The following SLC24A1 variants were observed in gnomAD, a reference collection of about 807,000 sequenced individuals.
The protein encoded by SLC24A1 is sodium/potassium/calcium exchanger 1.
In SLC24A1, 52 loss-of-function variants were observed where a neutral mutation model predicts 88.1. The observed-to-expected ratio is 0.59, with a 90% CI of 0.47 to 0.74. The LOEUF (loss-of-function observed/expected upper bound fraction) is 0.74, where lower values mean the gene tolerates loss of function less well. Among genes scored for constraint, SLC24A1 ranks in the 30% least tolerant of loss-of-function variants. The pLI is 0.00. For missense variants in SLC24A1, 1,173 were observed against 1,363.3 expected, an observed-to-expected ratio of 0.86 and a Z score of 2.20; for synonymous variants, 455 against 498.0, an observed-to-expected ratio of 0.91 and a Z score of 1.15.
chr15:65,648,544 C>T (rs1047760600), intron 6 of SLC24A1, among the ~76,000 whole-genome samples: 1 of 151,386 alleles, frequency 6.6e-6, no homozygotes, highest in Non-Finnish European at 1.5e-5. Context: ...TGCAGTGACA[C>T]GATCTCAGCT....
Position 65,625,523 on chromosome 15 carries a change from G to T in SLC24A1, c.1443G>T (p.Leu481=). The T allele has an allele frequency of 3.7e-6, 6 of 1,614,048 alleles. No individual in the cohort carries two copies. The highest frequency in any genetic ancestry group is 5.1e-6 in the Non-Finnish European group (6 of 1,179,906). Residue 481 remains leucine, a synonymous_variant, in exon 2 of 10, where the codon CTG becomes CTT. Coordinates refer to ENST00000261892, the MANE Select transcript of SLC24A1 (RefSeq NM_004727.3). ...GCGACGAGTACTTCGTTCCAGCCCT[G>T]GGTGTCATCACAGACAAGCTGCAGA... ...IVCDEYFVPA[L]GVITDKLQIS... is the part of the protein sequence containing the mutation.
At chr15:65,658,772 T>C (rs925943071), downstream of SLC24A1, among the ~76,000 whole-genome samples, 40 of 152,364 alleles carry the variant, frequency 2.6e-4, 1 homozygote, top group African/African-American at 9.6e-4. Context: ...AGCTAGCTAA[T>C]ACTTGCTGGT....
chr15:65,628,338 A>G (rs2074588830), intron 2 of SLC24A1, among the ~76,000 whole-genome samples: 1 of 152,164 alleles, frequency 6.6e-6, no homozygotes, highest in African/African-American at 2.4e-5. Context: ...TGGTCACATC[A>G]GGCTTATCAC....
In SLC24A1 at chr15:65,624,165, C is replaced by G. The variant is rs770203499; in HGVS notation, c.85C>G (p.Leu29Val). 10 of 1,613,824 alleles carry G rather than the reference C, an allele frequency of 6.2e-6. No homozygotes were observed. Among genetic ancestry groups the G allele is most frequent in the Non-Finnish European group, 8.5e-6 (10 of 1,179,834 alleles). Residue 29 changes from leucine to valine, a missense_variant, in exon 2 of 10, where the codon CTG becomes GTG. Leu to Val is a conservative substitution (Grantham distance 32). Coordinates refer to ENST00000261892, the MANE Select transcript of SLC24A1 (RefSeq NM_004727.3). ...RLHWSRLLFLLGMLIIGSTYQ... is the reference protein window; with the variant it reads ...RLHWSRLLFLVGMLIIGSTYQ... Reference sequence around the variant, plus strand: ...TCATTGGAGTCGCCTCCTCTTCTTACTGGGAATGTTGATCATCGGTTCTAC... The same window carrying G: ...TCATTGGAGTCGCCTCCTCTTCTTAGTGGGAATGTTGATCATCGGTTCTAC...
chr15:65,632,835 T>C (rs573177694), intron 2 of SLC24A1, among the ~76,000 whole-genome samples: 78 of 152,268 alleles, frequency 5.1e-4, no homozygotes, highest in African/African-American at 1.9e-3. Context: ...TGCCACAAAA[T>C]TAGGTGCAAG....
At position 65,624,871 on chromosome 15, in the gene SLC24A1, T is replaced by G. The variant is rs1023531965; in HGVS notation, c.791T>G (p.Val264Gly). ...ACCCCAACTTTTCTGACACATGAGG[T>G]AGAAGCAAACGTCTTGACTTCTCCA... is the stretch of plus-strand genomic sequence containing the variant. ...DSTPTFLTHE[V>G]EANVLTSPRS... Residue 264 changes from valine (V) to glycine (G), a missense_variant, in exon 2 of 10, where the codon GTA (valine) becomes GGA (glycine). By Grantham distance (109) the Val-to-Gly change is moderately radical. Coordinates refer to ENST00000261892, the MANE Select transcript of SLC24A1 (RefSeq NM_004727.3). 6.2e-7 allele frequency: 1 copy of G among 1,613,874 alleles called. No individual in the cohort carries two copies. The highest frequency in any genetic ancestry group is 8.5e-7 in the Non-Finnish European group (1 of 1,179,904).
chr15:65,617,612 T>C (rs2074189844), upstream of SLC24A1, among the ~76,000 whole-genome samples: 1 of 152,202 alleles, frequency 6.6e-6, no homozygotes, highest in East Asian at 1.9e-4. Flanking sequence ...CTTATCAGCT[T>C]AAGGAGATTT....
chr15:65,649,728 C>T (rs567157122), intron 6 of SLC24A1, among the ~76,000 whole-genome samples: 14 of 152,336 alleles, frequency 9.2e-5, no homozygotes, highest in African/African-American at 3.1e-4. Flanking sequence ...TAGGCATTAT[C>T]ATCCTTATTT....
At chr15:65,638,012 G>A in intron 2 of SLC24A1, 116 bp from the exon 3 acceptor site, 1 of 740,906 alleles carries the variant, frequency 1.3e-6, no homozygotes, top group East Asian at 2.7e-5. Context: ...TCTGAGACCA[G>A]GTTATCTCGG....
rs775190121 is a variant in SLC24A1, at chr15:65,645,523, G to A, written c.2141-89G>A. 87 of 949,894 alleles carry A rather than the reference G, an allele frequency of 9.2e-5. 1 individual carries two copies. In the African/African-American group the frequency reaches 1.1e-3, roughly 12 times the overall value. The allele number at this position is 949,894 out of a possible 1,614,324, so 58.8% of individuals were successfully genotyped here. On this transcript the variant is annotated intron_variant, in intron 5 of 9. Coordinates refer to ENST00000261892, the MANE Select transcript of SLC24A1 (RefSeq NM_004727.3). ...CCTTCAGAAACCCTGAAGTCCAATA[G>A]CCCTGTAGCCACTTATGCCAGTGTC...
intron 2 of SLC24A1, among the ~76,000 whole-genome samples, chr15:65,632,871 G>A (rs1471705569): frequency 6.6e-6 from 1 of 152,200 alleles, no homozygotes; most frequent in Non-Finnish European, 1.5e-5. Context: ...GTGTAGGAGA[G>A]TGACAAGCCC....
chr15:65,638,467 T>A (rs1274537825), intron 3 of SLC24A1, among the ~76,000 whole-genome samples: 1 of 152,224 alleles, frequency 6.6e-6, no homozygotes, highest in Non-Finnish European at 1.5e-5. Context: ...AGATTCTGCA[T>A]CTGTAAAATG....
chr15:65,657,695 A>G (rs1301328715), downstream of SLC24A1, among the ~76,000 whole-genome samples: 7 of 152,252 alleles, frequency 4.6e-5, no homozygotes, highest in African/African-American at 1.2e-4. Flanking sequence ...TTATGTGCCA[A>G]TGAATACTCT....
intron 8 of SLC24A1, chr15:65,652,042 A>G (rs1436402776): frequency 2.9e-5 from 12 of 420,196 alleles, no homozygotes; most frequent in South Asian, 2.0e-4. Flanking sequence ...TTTCTCTGCC[A>G]TGTACCCATC....
At chr15:65,649,652 G>A (rs894952095) in intron 6 of SLC24A1, among the ~76,000 whole-genome samples, 6 of 152,006 alleles carry the variant, frequency 3.9e-5, no homozygotes, top group South Asian at 2.1e-4. Context: ...ATAAAACACC[G>A]TAAGTGCTAG....
intron 6 of SLC24A1, among the ~76,000 whole-genome samples, chr15:65,647,117 T>C (rs995244962): frequency 3.3e-5 from 5 of 152,286 alleles, no homozygotes; most frequent in Admixed American, 2.0e-4. Flanking sequence ...AGCACACATA[T>C]AACCCCAAGC....
rs2074411633 is a variant in SLC24A1 at position 65,624,085 on chromosome 15, G to A, written c.5G>A (p.Gly2Glu). Reference sequence around the variant, plus strand: ...AACCAGATATAACTGGCCAGCATGGGGAAATTGATCAGGATGGGGCCGCAA... The same window carrying A: ...AACCAGATATAACTGGCCAGCATGGAGAAATTGATCAGGATGGGGCCGCAA... M[G>E]KLIRMGPQER... The change falls in exon 2 of 10, where the codon GGG becomes GAG. Residue 2 changes from glycine to glutamate, a missense_variant. Transcript: ENST00000261892. 2 of 1,580,868 alleles carry A rather than the reference G, an allele frequency of 1.3e-6. No individual in the cohort carries two copies. The highest frequency in any genetic ancestry group is 1.7e-6 in the Non-Finnish European group (2 of 1,165,808).
chr15:65,653,709 C>A (rs748863643), intron 9 of SLC24A1, 121 bp from the exon 10 acceptor site: 37 of 986,560 alleles, frequency 3.8e-5, no homozygotes, highest in Non-Finnish European at 4.7e-5. Context: ...CTAATAATTT[C>A]TGTTCACTTC....
chr15:65,620,438 GTCATTA>G (rs1308769421), upstream of SLC24A1, among the ~76,000 whole-genome samples: 2 of 152,130 alleles, frequency 1.3e-5, no homozygotes, highest in African/African-American at 4.8e-5. Context: ...AACAGGTAAT[GTCATTA>G]TCATCCTCAT....
Sources: gnomAD v4.1 joint callset for allele counts (sites outside exome capture counted in the v4.1 genomes callset) on GRCh38, gnomAD v4.1.1 for gene constraint, MANE v1.5 for transcripts, NCBI Gene and HGNC (gene_info 2026-07-23, HGNC 2026-07-21) for gene names.